The following CSNK1G2 variants were observed in gnomAD, a reference collection of about 807,000 sequenced individuals.
CSNK1G2 encodes casein kinase I isoform gamma-2.
In CSNK1G2, 11 loss-of-function variants were observed where a neutral mutation model predicts 48.0. The ratio of observed to expected loss-of-function variants is 0.23; its 90% CI spans 0.14 to 0.38. The LOEUF is 0.38. Among genes scored for constraint, CSNK1G2 ranks in the 10% least tolerant of loss-of-function variants. The pLI is 1.00. For synonymous variants in CSNK1G2, 337 were observed against 254.1 expected, an observed-to-expected ratio of 1.33 and a Z score of -3.10; for missense variants, 446 against 595.5, an observed-to-expected ratio of 0.75 and a Z score of 2.61.
At chr19:1,948,803 G>A (rs1804054597) in intron 1 of CSNK1G2, among the ~76,000 whole-genome samples, 1 of 152,226 alleles carries the variant, frequency 6.6e-6, no homozygotes, top group South Asian at 2.1e-4. Context: ...CCGACAGCCT[G>A]CTGGTGACCA....
intron 2 of CSNK1G2, among the ~76,000 whole-genome samples, chr19:1,970,895 C>T (rs1271857816): frequency 6.6e-6 from 1 of 151,238 alleles, no homozygotes; most frequent in Non-Finnish European, 1.5e-5. Flanking sequence ...AGGCGGTGCC[C>T]ATGGCACCCA....
At position 1,978,509 on chromosome 19, in the gene CSNK1G2, C is replaced by T. The variant is rs1375345540; in HGVS notation, c.296C>T (p.Thr99Ile). ...EYRFYKQLSA[T>I]EGVPQVYYFG... ...CGGTTCTACAAGCAGCTCAGCGCCA[C>T]AGGTACCGGGCGGCCCGCGGGTGGG... is the stretch of plus-strand genomic sequence containing the variant. The change falls in exon 4 of 12, where the codon ACA becomes ATA. Residue 99 changes from threonine to isoleucine, a missense_variant and splice_region_variant. Coordinates refer to ENST00000255641, the MANE Select transcript of CSNK1G2 (RefSeq NM_001319.7). This position sits in a 1 kb window ranked among gnomAD's most constrained non-coding sequence, Gnocchi z 7.3. 2 of 1,586,160 alleles carry T rather than the reference C, an allele frequency of 1.3e-6. No individual in the cohort carries two copies. Among genetic ancestry groups the T allele is most frequent in the Non-Finnish European group, 1.7e-6 (2 of 1,167,320 alleles).
Position 1,966,568 on chromosome 19 carries a change from G to A in CSNK1G2, c.-265-2940G>A, listed in dbSNP as rs539008950. 2.7e-3 allele frequency among the ~76,000 whole-genome samples: 408 copies of A among 152,300 alleles called. 1 individual carries two copies. The highest frequency in any genetic ancestry group is 9.3e-3 in the African/African-American group (386 of 41,562). On this transcript the variant is annotated intron_variant, in intron 1 of 11. Coordinates refer to ENST00000255641, the MANE Select transcript of CSNK1G2 (RefSeq NM_001319.7). ...AGAACTTGGAACAGCCCGGAACCTC[G>A]GTTGATGAAGCCGCGGCCGGGTTGA... is the stretch of plus-strand genomic sequence containing the variant.
chr19:1,951,151 CAGCA>C (rs1430368819), intron 1 of CSNK1G2, among the ~76,000 whole-genome samples: 2 of 145,714 alleles, frequency 1.4e-5, no homozygotes, highest in Non-Finnish European at 3.0e-5. Flanking sequence ...CCTGTAATCC[CAGCA>C]CTTTGGGAGG....
chr19:1,952,630 A>T, intron 1 of CSNK1G2: 1 of 162,316 alleles, frequency 6.2e-6, no homozygotes, highest in South Asian at 1.5e-4. Context: ...CGATGATTAA[A>T]AAAACCCGAT....
At chr19:1,974,794 G>C (rs1220408350) in intron 2 of CSNK1G2, 1 of 152,312 alleles carries the variant, frequency 6.6e-6, no homozygotes, top group African/African-American at 2.4e-5. Context: ...AGCTGAAGTA[G>C]AGAATCCAGG....
At chr19:1,961,447 C>G (rs2015196954) in intron 1 of CSNK1G2, among the ~76,000 whole-genome samples, 2 of 152,362 alleles carry the variant, frequency 1.3e-5, no homozygotes, top group South Asian at 2.1e-4. Flanking sequence ...CAGGCAGGGC[C>G]CAGCAGCCTA....
At chr19:1,966,094 C>T (rs928155081) in intron 1 of CSNK1G2, among the ~76,000 whole-genome samples, 1 of 152,222 alleles carries the variant, frequency 6.6e-6, no homozygotes, top group Non-Finnish European at 1.5e-5. Flanking sequence ...CCACCGCAGC[C>T]GCCCATGACT....
At chr19:1,942,933 G>A (rs1013021649) in intron 1 of CSNK1G2, among the ~76,000 whole-genome samples, 1 of 152,198 alleles carries the variant, frequency 6.6e-6, no homozygotes, top group Non-Finnish European at 1.5e-5. Flanking sequence ...GGGAGTGTGT[G>A]CAGGTACGCG....
Position 1,978,942 on chromosome 19 carries a change from G to A in CSNK1G2, c.531G>A (p.Gly177=), listed in dbSNP as rs753651278. Residue 177 remains glycine (G), a synonymous_variant, in exon 6 of 12, where the codon GGG becomes GGA. Transcript: ENST00000255641. This position sits in a 1 kb window ranked among gnomAD's most constrained non-coding sequence, Gnocchi z 7.3. ...AGAACTTCCTGGTGGGCCGCCCGGG[G>A]ACCAAGCGGCAGCATGCCATCCACA... is the stretch of plus-strand genomic sequence containing the variant. The part of the protein sequence containing the change: ...KPENFLVGRP[G]TKRQHAIHII... 6.9e-6 allele frequency: 11 copies of A among 1,601,550 alleles called. No individual in the cohort carries two copies. The African/African-American group carries it at 1.1e-4, about 16-fold the overall frequency.
In CSNK1G2 at chr19:1,979,785, C is replaced by A. The variant is rs1371402426; in HGVS notation, c.1036C>A (p.Pro346Thr). ...TPIGTVHTDL[P>T]SQPQLRDKTQ... Reference sequence around the variant, plus strand: ...CATCGGCACCGTCCACACCGACCTGCCCTCCCAGCCTCAGCTCCGGGACAA... The same window carrying A: ...CATCGGCACCGTCCACACCGACCTGACCTCCCAGCCTCAGCTCCGGGACAA... The change falls in exon 10 of 12, where the codon CCC becomes ACC. Residue 346 changes from proline to threonine, a missense_variant. Pro to Thr is a conservative substitution (Grantham distance 38, BLOSUM62 -1). Around this residue, in one of 2 missense-constraint regions of CSNK1G2, gnomAD observed 188 missense variants for 179.6 expected, o/e 1.05. Transcript: ENST00000255641. The A allele has an allele frequency of 3.1e-6, 5 of 1,607,248 alleles. No homozygotes were observed. The African/African-American group carries it at 6.7e-5, about 21-fold the overall frequency.
intron 2 of CSNK1G2, chr19:1,975,991 C>T (rs1342847224): frequency 3.7e-5 from 40 of 1,092,982 alleles, no homozygotes; most frequent in South Asian, 5.2e-5. Context: ...GCCGTGATCG[C>T]GCCAGTGCAC....
At chr19:1,945,212 G>A (rs754119213) in intron 1 of CSNK1G2, among the ~76,000 whole-genome samples, 24 of 152,370 alleles carry the variant, frequency 1.6e-4, no homozygotes, top group East Asian at 1.5e-3. Flanking sequence ...CTCTGCAGGT[G>A]CAGCGTGAGC....
intron 2 of CSNK1G2, among the ~76,000 whole-genome samples, chr19:1,972,780 G>C (rs1425884077): frequency 1.3e-5 from 2 of 151,568 alleles, no homozygotes; most frequent in Admixed American, 6.6e-5. Flanking sequence ...GAGCCACCAT[G>C]CCTGGCTAAT....
intron 1 of CSNK1G2, among the ~76,000 whole-genome samples, chr19:1,961,797 T>A (rs556858237): frequency 1.5e-4 from 23 of 152,290 alleles, no homozygotes; most frequent in Middle Eastern, 3.4e-3. Context: ...TGCGTGGGTG[T>A]TTCTGGATGT....
At chr19:1,955,396 C>T (rs1392352710) in intron 1 of CSNK1G2, among the ~76,000 whole-genome samples, 1 of 151,844 alleles carries the variant, frequency 6.6e-6, no homozygotes, top group African/African-American at 2.4e-5. Flanking sequence ...CCACCGTGGG[C>T]GGCAGGTGTG....
intron 1 of CSNK1G2, chr19:1,953,459 C>A (rs2014857601): frequency 3.7e-6 from 2 of 534,348 alleles, no homozygotes; most frequent in African/African-American, 1.9e-5. Context: ...TTGTTGATGG[C>A]GTCTGAGGCT....
chr19:1,979,428 C>CAG, intron 8 of CSNK1G2, 25 bp downstream of exon 8: 1 of 1,529,876 alleles, frequency 6.5e-7, no homozygotes, highest in African/African-American at 1.4e-5. Context: ...CGCCCCCGCC[C>CAG]TGTGCCCCCC....
chr19:1,980,197 C>G lies in CSNK1G2; in HGVS notation c.1242C>G (p.His414Gln). Reference protein sequence around the residue: ...KRRKRKSLQRHK With the variant: ...KRRKRKSLQRQK ...GAAAGAGAAAATCGCTGCAGCGACA[C>G]AAGTGACCCTGGGCGCGTGCAGCCC... The change falls in exon 12 of 12, where the codon CAC becomes CAG. Residue 414 changes from histidine (H) to glutamine (Q), a missense_variant. Coordinates refer to ENST00000255641, the MANE Select transcript of CSNK1G2 (RefSeq NM_001319.7). 2 of 1,612,920 alleles carry G rather than the reference C, an allele frequency of 1.2e-6. No homozygotes were observed. Among genetic ancestry groups the G allele is most frequent in the Non-Finnish European group, 1.7e-6 (2 of 1,179,860 alleles).
Sources: gnomAD v4.1 joint callset for allele counts (sites outside exome capture counted in the v4.1 genomes callset) on GRCh38, gnomAD v4.1.1 for gene constraint, gnomAD v4.1.1 regional missense constraint, Gnocchi (gnomAD v3.1) non-coding constraint, MANE v1.5 for transcripts, NCBI Gene and HGNC (gene_info 2026-07-23, HGNC 2026-07-21) for gene names.